The following ASTN2 variants were observed in gnomAD, a reference collection of about 807,000 sequenced individuals.
ASTN2 encodes the protein astrotactin-2.
In ASTN2, 54 loss-of-function variants were observed where a neutral mutation model predicts 139.8. The observed-to-expected ratio is 0.39, with a 90% CI of 0.31 to 0.48. The LOEUF (loss-of-function observed/expected upper bound fraction) is 0.48. ASTN2 is among the 20% of genes least tolerant of loss of function. The pLI, the probability that ASTN2 is intolerant of heterozygous loss-of-function variation, is 0.95. For synonymous variants in ASTN2, 756 were observed against 719.5 expected (o/e 1.05, Z -0.81); for missense variants, 1,565 against 1,725.1 (o/e 0.91, Z 1.64).
rs189618078 is a variant in ASTN2 at position 117,056,319 on chromosome 9, G to A, written c.1277-16354C>T. Among the ~76,000 whole-genome samples, 188 of 152,322 alleles carry A rather than the reference G, an allele frequency of 1.2e-3. 1 individual carries two copies. Among genetic ancestry groups the A allele is most frequent in the African/African-American group, 4.3e-3 (178 of 41,586 alleles). On this transcript the variant is annotated intron_variant, in intron 5 of 22. Coordinates refer to ENST00000313400, the MANE Select transcript of ASTN2 (RefSeq NM_001365068.1). ...CCTACTTAAATGGATAGCTGAAAGA[G>A]GCTGATGAGCCTCCATTCCTAGCAG...
At chr9:117,314,615 TATA>T in intron 1 of ASTN2, among the ~76,000 whole-genome samples, 1 of 147,322 alleles carries the variant, frequency 6.8e-6, no homozygotes, top group Non-Finnish European at 1.5e-5. Context: ...TAATTTATTT[TATA>T]ATATACAATA....
intron 3 of ASTN2, among the ~76,000 whole-genome samples, chr9:117,192,663 A>G (rs1388141491): frequency 6.6e-6 from 1 of 152,180 alleles, no homozygotes; most frequent in Non-Finnish European, 1.5e-5. Flanking sequence ...TCAGATTAAG[A>G]GGGGGAGAGC....
At chr9:117,406,482 C>T (rs1322675217) in intron 1 of ASTN2, among the ~76,000 whole-genome samples, 2 of 152,094 alleles carry the variant, frequency 1.3e-5, no homozygotes, top group African/African-American at 2.4e-5. Context: ...TGTCCTGCCA[C>T]CCCCCTCCTC....
chr9:117,173,166 A>G lies in ASTN2; in HGVS notation c.1016-31688T>C, dbSNP rs146976147. ...ATTACTTAATTGTAAAACACCAATTACTTACAAAAAAATAAATAAAACCAC... is the reference window on the plus strand; with the variant it reads ...ATTACTTAATTGTAAAACACCAATTGCTTACAAAAAAATAAATAAAACCAC... On this transcript the variant is annotated intron_variant, in intron 3 of 22. Transcript: ENST00000313400. Among the ~76,000 whole-genome samples the G allele has an allele frequency of 2.6e-3, 400 of 152,322 alleles. 3 individuals are homozygous for G. The highest frequency in any genetic ancestry group is 9.1e-3 in the African/African-American group (377 of 41,588).
At chr9:116,824,216 C>T (rs1416346040) in intron 11 of ASTN2, among the ~76,000 whole-genome samples, 1 of 152,204 alleles carries the variant, frequency 6.6e-6, no homozygotes, top group African/African-American at 2.4e-5. Context: ...CGGTAGCCAG[C>T]TTCAAAGATG....
chr9:116,849,597 G>A (rs1407208469), intron 11 of ASTN2, among the ~76,000 whole-genome samples: 2 of 152,210 alleles, frequency 1.3e-5, no homozygotes, highest in Non-Finnish European at 2.9e-5. Context: ...TACAGAGGAA[G>A]GGATCGAGAC....
intron 4 of ASTN2, among the ~76,000 whole-genome samples, chr9:117,116,447 A>C (rs1412145471): frequency 6.6e-6 from 1 of 152,178 alleles, no homozygotes; most frequent in African/African-American, 2.4e-5. Context: ...TATCATGTGC[A>C]TCTTTCTGGC....
chr9:116,839,881 A>ATTTAT (rs1169661873), intron 11 of ASTN2, among the ~76,000 whole-genome samples: 6 of 127,982 alleles, frequency 4.7e-5, no homozygotes, highest in Non-Finnish European at 8.0e-5. Flanking sequence ...TATTATTATT[A>ATTTAT]TTTTTTTTTT....
intron 16 of ASTN2, chr9:116,686,799 T>C (rs1860243695): frequency 1.9e-6 from 3 of 1,550,558 alleles, no homozygotes; most frequent in African/African-American, 1.4e-5. Context: ...CAGAGCAATG[T>C]GTTCATGGAT....
chr9:116,834,257 A>G (rs1429139182), intron 11 of ASTN2, among the ~76,000 whole-genome samples: 1 of 152,140 alleles, frequency 6.6e-6, no homozygotes, highest in Non-Finnish European at 1.5e-5. Context: ...TGAAAATAAT[A>G]TATGTTCTAT....
intron 6 of ASTN2, 85 bp downstream of exon 6, chr9:117,039,734 G>A: frequency 7.1e-7 from 1 of 1,409,448 alleles, no homozygotes; most frequent in Non-Finnish European, 9.4e-7. Flanking sequence ...TAATTCTAAG[G>A]TTTGGCCATA....
intron 1 of ASTN2, among the ~76,000 whole-genome samples, chr9:117,372,927 C>T (rs751213194): frequency 6.6e-6 from 1 of 152,090 alleles, no homozygotes; most frequent in South Asian, 2.1e-4. Flanking sequence ...ACTTGATTCT[C>T]GTGGTTCTAA....
chr9:116,762,637 CAT>C (rs767473474), intron 13 of ASTN2, among the ~76,000 whole-genome samples: 1 of 152,184 alleles, frequency 6.6e-6, no homozygotes, highest in African/African-American at 2.4e-5. Flanking sequence ...TTTTGTGTGA[CAT>C]GTGAAAATTC....
intron 16 of ASTN2, among the ~76,000 whole-genome samples, chr9:116,665,512 AAT>A (rs1858809158): frequency 1.3e-5 from 2 of 152,194 alleles, no homozygotes; most frequent in Admixed American, 1.3e-4. Context: ...AAATAATGAT[AAT>A]GTACTAGGCA....
chr9:116,811,206 T>C lies in ASTN2; in HGVS notation c.2208-5386A>G, dbSNP rs192429691. On this transcript the variant is annotated intron_variant, in intron 12 of 22. Transcript: ENST00000313400. ...TGTTTTATCTGACTTTGTTTTATAA[T>C]TCTTTTTATGGCTGCTTAAGTCAAA... 1.8e-4 allele frequency among the ~76,000 whole-genome samples: 28 copies of C among 152,314 alleles called. No individual in the cohort carries two copies. In the East Asian group the frequency reaches 5.2e-3, roughly 28 times the overall value.
intron 19 of ASTN2, among the ~76,000 whole-genome samples, chr9:116,569,253 C>G (rs1427617461): frequency 1.3e-5 from 2 of 152,194 alleles, no homozygotes. Flanking sequence ...CAAGCCACTG[C>G]AAGTCTCAGA....
At chr9:117,031,596 T>C (rs562359676) in intron 6 of ASTN2, among the ~76,000 whole-genome samples, 3 of 152,140 alleles carry the variant, frequency 2.0e-5, no homozygotes, top group South Asian at 4.1e-4. Flanking sequence ...AAATTATACA[T>C]TGAAATAAAT....
intron 2 of ASTN2, among the ~76,000 whole-genome samples, chr9:117,222,638 G>A (rs1221139756): frequency 1.3e-5 from 2 of 152,038 alleles, no homozygotes; most frequent in Admixed American, 6.6e-5. Context: ...TCACCCTTAT[G>A]TCTACACATC....
chr9:116,929,561 G>A lies in ASTN2; in HGVS notation c.1889+45647C>T, dbSNP rs146319117. On this transcript the variant is annotated intron_variant, in intron 10 of 22. Coordinates refer to ENST00000313400, the MANE Select transcript of ASTN2 (RefSeq NM_001365068.1). Reference sequence around the variant, plus strand: ...TGCTGCATCTTGGAATATTTTGCACGTATCTCTCCCTAACCTGGAGAAATA... The same window carrying A: ...TGCTGCATCTTGGAATATTTTGCACATATCTCTCCCTAACCTGGAGAAATA... Among the ~76,000 whole-genome samples, 199 of 152,170 alleles carry A rather than the reference G, an allele frequency of 1.3e-3. 1 individual carries two copies. The highest frequency in any genetic ancestry group is 0.012 in the East Asian group (64 of 5,166).
Sources: allele counts gnomAD v4.1 joint callset (sites outside exome capture counted in the v4.1 genomes callset), GRCh38; gene constraint gnomAD v4.1.1; transcripts MANE v1.5; gene names NCBI Gene and HGNC (gene_info 2026-07-23, HGNC 2026-07-21).